Variants in NPAS3 observed in about 807,000 individuals in gnomAD.
The protein encoded by NPAS3 is neuronal PAS domain protein 3, also known as neuronal PAS domain-containing protein 3.
In NPAS3, 14 loss-of-function variants were observed where a neutral mutation model predicts 73.1. The observed-to-expected ratio is 0.19, with a 90% CI of 0.13 to 0.30. The LOEUF is 0.30. Ranked by LOEUF, NPAS3 falls within the 10% of genes least tolerant of loss-of-function variation. The pLI is 1.00. For synonymous variants in NPAS3, 620 were observed against 541.5 expected, an observed-to-expected ratio of 1.14 and a Z score of -2.01; for missense variants, 1,096 against 1,250.0, an observed-to-expected ratio of 0.88 and a Z score of 1.86.
chr14:32,952,655 G>T (rs1032638133), intron 1 of NPAS3, among the ~76,000 whole-genome samples: 1 of 151,994 alleles, frequency 6.6e-6, no homozygotes, highest in Admixed American at 6.6e-5. Flanking sequence ...CATGAATTGG[G>T]TTAAATACCT....
chr14:33,684,659 G>C (rs1242674101), intron 6 of NPAS3, among the ~76,000 whole-genome samples: 2 of 152,200 alleles, frequency 1.3e-5, no homozygotes, highest in Non-Finnish European at 2.9e-5. Context: ...AGTGGCATCT[G>C]AATACATTAT....
intron 2 of NPAS3, among the ~76,000 whole-genome samples, chr14:33,067,728 C>T (rs1418049076): frequency 6.6e-6 from 1 of 152,196 alleles, no homozygotes; most frequent in Non-Finnish European, 1.5e-5. Flanking sequence ...ATGGCTGGCC[C>T]ACAGATTAAG....
At chr14:33,774,234 A>T in intron 7 of NPAS3, 103 bp from the exon 8 acceptor site, 1 of 812,280 alleles carries the variant, frequency 1.2e-6, no homozygotes, top group Non-Finnish European at 2.0e-6. Flanking sequence ...GATACAAGCT[A>T]ATGTTGGTTG....
chr14:33,403,856 T>C (rs546369533), intron 4 of NPAS3, among the ~76,000 whole-genome samples: 1 of 152,108 alleles, frequency 6.6e-6, no homozygotes, highest in South Asian at 2.1e-4. Context: ...CTTCCTTCCT[T>C]TTACAAAAGC....
rs149472266 is a variant in NPAS3, at chr14:33,547,683, T to G, written c.469-12438T>G. The stretch of plus-strand genomic sequence containing the variant: ...GAAAAGTATGAAAAGGGAACTAAAA[T>G]AAGAACATAGAAGGGGCACAAAGAC... On this transcript the variant is annotated intron_variant, in intron 4 of 11. Transcript: ENST00000356141. 1.3e-3 allele frequency among the ~76,000 whole-genome samples: 191 copies of G among 152,196 alleles called. No individual in the cohort carries two copies. The Middle Eastern group carries it at 0.017, about 14-fold the overall frequency.
intron 4 of NPAS3, among the ~76,000 whole-genome samples, chr14:33,468,081 T>A (rs994776196): frequency 2.6e-5 from 4 of 152,178 alleles, no homozygotes; most frequent in African/African-American, 9.7e-5. Flanking sequence ...GTGTGACCCA[T>A]CCAGGCATGC....
chr14:33,475,819 T>C lies in NPAS3; in HGVS notation c.469-84302T>C, dbSNP rs976414806. Among the ~76,000 whole-genome samples the C allele has an allele frequency of 4.6e-5, 7 of 152,034 alleles. No individual in the cohort carries two copies. In the South Asian group the frequency reaches 8.3e-4, roughly 18 times the overall value. On this transcript the variant is annotated intron_variant, in intron 4 of 11. Transcript: ENST00000356141. ...CCACTGAGAGGGAAGCAATTTCTCA[T>C]TGTGTTACTTCACCCTGGCATTCAG...
chr14:33,051,486 G>C (rs10151625), intron 1 of NPAS3, among the ~76,000 whole-genome samples: 1 of 151,892 alleles, frequency 6.6e-6, no homozygotes, highest in African/African-American at 2.4e-5. Flanking sequence ...ACCCTGTTTC[G>C]TTGCATTTGT....
chr14:33,154,703 G>T (rs2044585166), intron 2 of NPAS3, among the ~76,000 whole-genome samples: 1 of 152,150 alleles, frequency 6.6e-6, no homozygotes, highest in Admixed American at 6.5e-5. Flanking sequence ...CTTAGAAAAG[G>T]ATTCCAGGCC....
chr14:33,213,539 C>T (rs1433151657), intron 2 of NPAS3: 4 of 152,164 alleles, frequency 2.6e-5, no homozygotes, highest in African/African-American at 9.7e-5. Context: ...TAGCTTTCAA[C>T]CAGCTAAAAT....
At chr14:33,205,685 G>C (rs1332841005) in intron 2 of NPAS3, among the ~76,000 whole-genome samples, 1 of 152,210 alleles carries the variant, frequency 6.6e-6, no homozygotes, top group Non-Finnish European at 1.5e-5. Flanking sequence ...ACAAAGGAAT[G>C]TGGATGAAGT....
intron 7 of NPAS3, among the ~76,000 whole-genome samples, chr14:33,757,572 G>T (rs2062153907): frequency 6.6e-6 from 1 of 152,170 alleles, no homozygotes; most frequent in Admixed American, 6.5e-5. Flanking sequence ...CGGTTAGGCA[G>T]CTGCCCACCC....
chr14:33,125,235 ATAAT>A (rs1193941124), intron 2 of NPAS3, among the ~76,000 whole-genome samples: 5 of 152,228 alleles, frequency 3.3e-5, no homozygotes, highest in South Asian at 2.1e-4. Flanking sequence ...AAGTTTATTA[ATAAT>A]TTTTATAAGC....
chr14:33,804,054 A>G (rs1475044125), downstream of NPAS3: 1 of 152,144 alleles, frequency 6.6e-6, no homozygotes, highest in Non-Finnish European at 1.5e-5. Flanking sequence ...CATTTACAAC[A>G]GGGTTCTTTT....
intron 1 of NPAS3, among the ~76,000 whole-genome samples, chr14:32,994,804 G>C (rs796632061): frequency 2.0e-5 from 3 of 152,072 alleles, no homozygotes; most frequent in African/African-American, 7.2e-5. Context: ...GCTAATTTTT[G>C]TATTTTCAGT....
At chr14:33,379,436 G>A (rs2046445204) in intron 4 of NPAS3, among the ~76,000 whole-genome samples, 1 of 152,116 alleles carries the variant, frequency 6.6e-6, no homozygotes, top group Non-Finnish European at 1.5e-5. Flanking sequence ...TACCTCTCTG[G>A]TAATGTGTGT....
intron 5 of NPAS3, among the ~76,000 whole-genome samples, chr14:33,561,172 T>G (rs1005305682): frequency 6.6e-6 from 1 of 152,190 alleles, no homozygotes; most frequent in Non-Finnish European, 1.5e-5. Flanking sequence ...AAGATTTGTC[T>G]CTCTCCTTTA....
At chr14:33,164,314 A>C (rs1308985073) in intron 2 of NPAS3, among the ~76,000 whole-genome samples, 1 of 152,208 alleles carries the variant, frequency 6.6e-6, no homozygotes. Context: ...AATTTTGTGA[A>C]GAAGCTTCAC....
chr14:32,991,386 C>T (rs866279860), intron 1 of NPAS3, among the ~76,000 whole-genome samples: 3 of 152,152 alleles, frequency 2.0e-5, no homozygotes, highest in Middle Eastern at 3.4e-3. Flanking sequence ...TTTGGTAAAA[C>T]GCAGCATTGA....
Sources: gnomAD v4.1 joint callset for allele counts (sites outside exome capture counted in the v4.1 genomes callset) on GRCh38, gnomAD v4.1.1 for gene constraint, MANE v1.5 for transcripts, NCBI Gene and HGNC (gene_info 2026-07-23, HGNC 2026-07-21) for gene names.